Variants in CFAP61 observed in about 807,000 individuals in gnomAD.
The protein encoded by CFAP61 is cilia and flagella associated protein 61.
CFAP61 carries 107 observed loss-of-function variants against 135.6 expected under a neutral mutation model. That is an observed-to-expected ratio of 0.79 (90% CI 0.67 to 0.93). The LOEUF is 0.93. Ranked by LOEUF, CFAP61 falls within the 40% of genes least tolerant of loss-of-function variation. CFAP61 has a pLI of 0.00. For synonymous variants in CFAP61, 575 were observed against 578.5 expected (o/e 0.99, Z 0.09); for missense variants, 1,507 against 1,556.2 (o/e 0.97, Z 0.53).
At chr20:20,185,941 A>AT (rs1317531175) in intron 13 of CFAP61, among the ~76,000 whole-genome samples, 2 of 151,978 alleles carry the variant, frequency 1.3e-5, no homozygotes, top group Non-Finnish European at 2.9e-5. Flanking sequence ...ATGCCAGCTT[A>AT]TTTTTTTGCT....
rs1481811423 is a variant in CFAP61 at position 20,277,386 on chromosome 20, C to G, written c.2724C>G (p.Asp908Glu). The change falls in exon 22 of 27, where the codon GAC becomes GAG. Residue 908 changes from aspartate to glutamate, a missense_variant. Coordinates refer to ENST00000245957, the MANE Select transcript of CFAP61 (RefSeq NM_015585.4). ...YRDAILAQWNDGLHPDPIYSA... is the reference protein window; with the variant it reads ...YRDAILAQWNEGLHPDPIYSA... ...ATGCGATCCTGGCCCAGTGGAATGA[C>G]GGCCTGCACCCAGACCCCATCTACA... The G allele has an allele frequency of 6.2e-7, 1 of 1,614,082 alleles. No homozygotes were observed. Among genetic ancestry groups the G allele is most frequent in the Non-Finnish European group, 8.5e-7 (1 of 1,180,026 alleles).
chr20:20,289,564 G>T (rs1180271818), intron 23 of CFAP61, among the ~76,000 whole-genome samples: 2 of 152,176 alleles, frequency 1.3e-5, no homozygotes, highest in Non-Finnish European at 2.9e-5. Context: ...CTTCCTGGAG[G>T]TTTATAGATG....
chr20:20,352,800 C>T (rs2058890906), intron 26 of CFAP61, among the ~76,000 whole-genome samples: 1 of 152,110 alleles, frequency 6.6e-6, no homozygotes, highest in Non-Finnish European at 1.5e-5. Context: ...TTGGATGTGA[C>T]ACCAAAAGCA....
At chr20:20,155,871 A>G (rs1216261915) in intron 9 of CFAP61, among the ~76,000 whole-genome samples, 2 of 152,194 alleles carry the variant, frequency 1.3e-5, no homozygotes, top group African/African-American at 2.4e-5. Flanking sequence ...AGATTCCTTA[A>G]AGAATTAAAA....
chr20:20,193,804 G>T (rs138582662), intron 15 of CFAP61, among the ~76,000 whole-genome samples: 1 of 151,996 alleles, frequency 6.6e-6, no homozygotes, highest in Middle Eastern at 3.2e-3. Flanking sequence ...AGTAGAGATG[G>T]GGTTTCACCA....
At chr20:20,160,505 A>C (rs1359078901) in intron 10 of CFAP61, among the ~76,000 whole-genome samples, 1 of 152,160 alleles carries the variant, frequency 6.6e-6, no homozygotes, top group Admixed American at 6.5e-5. Flanking sequence ...GACCGAGAAC[A>C]CAAATGGGCT....
At chr20:20,241,418 T>A (rs1178179665) in intron 18 of CFAP61, among the ~76,000 whole-genome samples, 1 of 152,172 alleles carries the variant, frequency 6.6e-6, no homozygotes, top group Non-Finnish European at 1.5e-5. Context: ...GTATTAAAAT[T>A]CAAAAAATGC....
chr20:20,071,138 G>A (rs1029808452), intron 3 of CFAP61, 134 bp downstream of exon 3: 24 of 922,244 alleles, frequency 2.6e-5, no homozygotes, highest in Non-Finnish European at 3.7e-5. Flanking sequence ...AAGGGAGCTG[G>A]TGGGGAGGAA....
chr20:20,146,581 T>C (rs1335791443), intron 9 of CFAP61, among the ~76,000 whole-genome samples: 1 of 152,228 alleles, frequency 6.6e-6, no homozygotes, highest in African/African-American at 2.4e-5. Context: ...TGGTGAGAAC[T>C]AGCTGTAAAA....
intron 9 of CFAP61, among the ~76,000 whole-genome samples, chr20:20,154,306 T>C (rs1303503605): frequency 6.6e-6 from 1 of 152,078 alleles, no homozygotes; most frequent in Non-Finnish European, 1.5e-5. Flanking sequence ...AAGACGAGGA[T>C]GCACATTTTC....
At chr20:20,173,766 A>G (rs1233067367) in intron 13 of CFAP61, among the ~76,000 whole-genome samples, 2 of 150,310 alleles carry the variant, frequency 1.3e-5, no homozygotes. Flanking sequence ...TGCATTGGTG[A>G]CTTTTTTTCT....
chr20:20,108,014 ATAT>A (rs2048531159), intron 8 of CFAP61, among the ~76,000 whole-genome samples: 1 of 152,240 alleles, frequency 6.6e-6, no homozygotes, highest in Non-Finnish European at 1.5e-5. Context: ...TTATATAAAA[ATAT>A]TATTCATAAT....
intron 8 of CFAP61, among the ~76,000 whole-genome samples, chr20:20,105,007 G>A (rs550873882): frequency 1.3e-4 from 20 of 152,264 alleles, no homozygotes; most frequent in Admixed American, 1.1e-3. Flanking sequence ...AGCCTTCAGT[G>A]TACGAGTTTT....
chr20:20,183,296 G>A (rs1008059306), intron 13 of CFAP61, among the ~76,000 whole-genome samples: 3 of 152,006 alleles, frequency 2.0e-5, no homozygotes, highest in African/African-American at 7.2e-5. Context: ...CAAGTAGCTG[G>A]GATTACAGGC....
intron 26 of CFAP61, among the ~76,000 whole-genome samples, chr20:20,355,933 CTG>C (rs1339785965): frequency 2.1e-4 from 28 of 136,030 alleles, no homozygotes; most frequent in African/African-American, 8.1e-4. Flanking sequence ...GGTAGTGACA[CTG>C]TGAGCAGAGA....
intron 14 of CFAP61, among the ~76,000 whole-genome samples, chr20:20,189,136 A>G (rs1000139325): frequency 6.6e-6 from 1 of 152,206 alleles, no homozygotes; most frequent in African/African-American, 2.4e-5. Flanking sequence ...CCTTTTAGTT[A>G]ATTTTTAAGT....
chr20:20,326,850 A>G (rs2057767895), intron 25 of CFAP61, among the ~76,000 whole-genome samples: 2 of 152,184 alleles, frequency 1.3e-5, no homozygotes, highest in Admixed American at 6.5e-5. Context: ...TATTTTTGGA[A>G]TTTTAACTGA....
intron 26 of CFAP61, among the ~76,000 whole-genome samples, chr20:20,353,075 C>T (rs746075749): frequency 3.9e-5 from 6 of 152,078 alleles, no homozygotes; most frequent in Non-Finnish European, 7.4e-5. Context: ...AAGCAAAGGA[C>T]CTGAATAGAC....
chr20:20,336,137 C>G (rs568968243), intron 25 of CFAP61, among the ~76,000 whole-genome samples: 3 of 152,256 alleles, frequency 2.0e-5, no homozygotes, highest in African/African-American at 4.8e-5. Flanking sequence ...TATAATAGAA[C>G]AGGATGCCTC....
Sources: allele counts gnomAD v4.1 joint callset (sites outside exome capture counted in the v4.1 genomes callset), GRCh38; gene constraint gnomAD v4.1.1; transcripts MANE v1.5; gene names NCBI Gene and HGNC (gene_info 2026-07-23, HGNC 2026-07-21).